The following CLIP2 variants were observed in gnomAD, a reference collection of about 807,000 sequenced individuals.
The protein encoded by CLIP2 is CAP-Gly domain-containing linker protein 2.
CLIP2 carries 41 observed loss-of-function variants against 111.7 expected under a neutral mutation model. That is an observed-to-expected ratio of 0.37 (90% CI 0.29 to 0.48). The LOEUF (loss-of-function observed/expected upper bound fraction) is 0.48. CLIP2 is among the 20% of genes least tolerant of loss of function. The probability of loss-of-function intolerance (pLI) is 0.99; values close to 1 mark genes in which losing one functional copy is unlikely to be tolerated. For synonymous variants in CLIP2, 660 were observed against 644.2 expected, an observed-to-expected ratio of 1.02 and a Z score of -0.37; for missense variants, 1,160 against 1,422.1, an observed-to-expected ratio of 0.82 and a Z score of 2.96.
Position 74,373,004 on chromosome 7 carries a change from G to C in CLIP2, c.1453G>C (p.Glu485Gln), listed in dbSNP as rs370792041. The stretch of plus-strand genomic sequence containing the variant: ...CCTGCTACTGGAGAAGGCGCAGGCC[G>C]AGCGGCTGCTCCGAGAATTAGCGGA... The part of the protein sequence containing the change: ...QSLLLEKAQA[E>Q]RLLRELADNR... Residue 485 changes from glutamate (E) to glutamine (Q), a missense_variant, in exon 9 of 17, where the codon GAG becomes CAG. Coordinates refer to ENST00000223398, the MANE Select transcript of CLIP2 (RefSeq NM_003388.5). 3.8e-6 allele frequency: 6 copies of C among 1,592,780 alleles called. No homozygotes were observed. Among genetic ancestry groups the C allele is most frequent in the Non-Finnish European group, 5.1e-6 (6 of 1,171,622 alleles).
At chr7:74,291,284 C>T (rs112044140) in intron 1 of CLIP2, among the ~76,000 whole-genome samples, 13 of 152,284 alleles carry the variant, frequency 8.5e-5, no homozygotes, top group Middle Eastern at 3.4e-3. Flanking sequence ...CTGCAAACTC[C>T]AGCCCTCAGC....
At chr7:74,371,721 A>C (rs1358472431) in intron 8 of CLIP2, among the ~76,000 whole-genome samples, 1 of 143,216 alleles carries the variant, frequency 7.0e-6, no homozygotes, top group Admixed American at 7.1e-5. Context: ...TGGGAAGGAG[A>C]GGGGAGAGAG....
rs1790766241 is a variant in CLIP2 at position 74,375,985 on chromosome 7, C to T, written c.1584C>T (p.His528=). Reference sequence around the variant, plus strand: ...AGGAGCTCCAGCAGTGCCTGTTGCACTCGGGTCCCCCACCTCCGGACCACC... The same window carrying T: ...AGGAGCTCCAGCAGTGCCTGTTGCATTCGGGTCCCCCACCTCCGGACCACC... ...EIEELQQCLL[H]SGPPPPDHPD... is the part of the protein sequence containing the mutation. Residue 528 remains histidine, a synonymous_variant, in exon 10 of 17, where the codon CAC becomes CAT. Coordinates refer to ENST00000223398, the MANE Select transcript of CLIP2 (RefSeq NM_003388.5). 3 of 1,611,254 alleles carry T rather than the reference C, an allele frequency of 1.9e-6. No individual in the cohort carries two copies. In the South Asian group the frequency reaches 3.3e-5, roughly 18 times the overall value.
chr7:74,322,152 G>A (rs1013881316), intron 2 of CLIP2, among the ~76,000 whole-genome samples: 10 of 150,892 alleles, frequency 6.6e-5, no homozygotes, highest in Admixed American at 3.3e-4. Context: ...CAACAACACC[G>A]GCCAATTTTT....
At chr7:74,329,970 G>A (rs1355846111) in intron 2 of CLIP2, among the ~76,000 whole-genome samples, 1 of 151,902 alleles carries the variant, frequency 6.6e-6, no homozygotes, top group Non-Finnish European at 1.5e-5. Context: ...GTAGAGACGG[G>A]GTTTCGCCAT....
chr7:74,349,051 T>G (rs1190344238), intron 3 of CLIP2, among the ~76,000 whole-genome samples: 2 of 151,958 alleles, frequency 1.3e-5, no homozygotes, highest in Non-Finnish European at 2.9e-5. Context: ...AGCCAAAAAG[T>G]GGAAGCAACC....
At chr7:74,366,217 T>C (rs1211681224) in intron 8 of CLIP2, among the ~76,000 whole-genome samples, 1 of 152,090 alleles carries the variant, frequency 6.6e-6, no homozygotes, top group Non-Finnish European at 1.5e-5. Flanking sequence ...TCTTCCCTCC[T>C]GTCCACACTG....
At chr7:74,394,242 C>CTT (rs782731877) in intron 13 of CLIP2, among the ~76,000 whole-genome samples, 11 of 119,730 alleles carry the variant, frequency 9.2e-5, no homozygotes, top group Non-Finnish European at 1.4e-4. Context: ...TCTTTTTCTT[C>CTT]TTATTTTTTT....
chr7:74,292,404 T>C (rs1554725510), intron 1 of CLIP2, among the ~76,000 whole-genome samples: 1 of 152,170 alleles, frequency 6.6e-6, no homozygotes, highest in African/African-American at 2.4e-5. Flanking sequence ...TGAGCTTTTT[T>C]GAGACAGCAT....
intron 3 of CLIP2, among the ~76,000 whole-genome samples, chr7:74,346,735 A>AAAAAAAAC (rs1562700919): frequency 4.4e-5 from 3 of 67,470 alleles, no homozygotes; most frequent in Admixed American, 1.7e-4. Flanking sequence ...AAAAAAAAAA[A>AAAAAAAAC]AAAAAAACAA....
chr7:74,303,633 C>T (rs1788397797), intron 1 of CLIP2, among the ~76,000 whole-genome samples: 2 of 142,694 alleles, frequency 1.4e-5, no homozygotes, highest in Non-Finnish European at 3.0e-5. Context: ...GGTCTTAGGT[C>T]AGGCGTGGTG....
chr7:74,393,401 A>T (rs1338506011), intron 13 of CLIP2, among the ~76,000 whole-genome samples: 1 of 148,308 alleles, frequency 6.7e-6, no homozygotes, highest in Admixed American at 6.8e-5. Flanking sequence ...CAGTGGCACA[A>T]TCTCTGCTCA....
intron 1 of CLIP2, among the ~76,000 whole-genome samples, chr7:74,310,160 C>T (rs1297920771): frequency 2.7e-5 from 4 of 146,898 alleles, no homozygotes; most frequent in Non-Finnish European, 4.5e-5. Context: ...CCCAGGAGGT[C>T]GAGGCTGCAG....
intron 1 of CLIP2, among the ~76,000 whole-genome samples, chr7:74,291,354 A>AG: frequency 6.6e-6 from 1 of 152,328 alleles, no homozygotes; most frequent in East Asian, 1.9e-4. Context: ...AAGTCCCAGC[A>AG]GGGGGAATTT....
chr7:74,381,311 C>T (rs1554313879), intron 11 of CLIP2, among the ~76,000 whole-genome samples: 4 of 152,110 alleles, frequency 2.6e-5, no homozygotes, highest in Non-Finnish European at 1.5e-5. Flanking sequence ...GCCTCAGCCT[C>T]CCGAGTAGCT....
intron 1 of CLIP2, among the ~76,000 whole-genome samples, chr7:74,301,052 TGTATACGC>T (rs1360493736): frequency 2.6e-5 from 4 of 152,230 alleles, no homozygotes; most frequent in Admixed American, 2.6e-4. Flanking sequence ...TTACCAACAG[TGTATACGC>T]GTTCCCTTTC....
chr7:74,321,476 A>T (rs1388666516), intron 2 of CLIP2, among the ~76,000 whole-genome samples: 3 of 151,634 alleles, frequency 2.0e-5, no homozygotes, highest in African/African-American at 4.8e-5. Flanking sequence ...TATTATTATT[A>T]TTATTTTTTT....
chr7:74,301,739 G>A (rs1471270394), intron 1 of CLIP2, among the ~76,000 whole-genome samples: 3 of 150,322 alleles, frequency 2.0e-5, no homozygotes, highest in Middle Eastern at 3.3e-3. Flanking sequence ...TTGAGACAGA[G>A]TCTTGCTCTG....
In CLIP2 at chr7:74,405,894, G is replaced by C. The variant is rs989233661; in HGVS notation, c.*2046G>C. On this transcript the variant is annotated 3_prime_UTR_variant, in exon 17 of 17. Transcript: ENST00000223398. ...CACAGTGGAATTGTTGAAGTGTGGC[G>C]AGTCTGTGCTCGGGACAATAAAGCT... 2 of 152,372 alleles carry C rather than the reference G, an allele frequency of 1.3e-5. No homozygotes were observed. Among genetic ancestry groups the C allele is most frequent in the African/African-American group, 4.8e-5 (2 of 41,450 alleles). 9.4% of individuals were successfully genotyped at this position (152,372 alleles called of 1,614,324 possible). A position where few individuals can be genotyped will look rare whatever the true frequency, so the allele number is the denominator to read the frequency against.
Sources: allele counts gnomAD v4.1 joint callset (sites outside exome capture counted in the v4.1 genomes callset), GRCh38; gene constraint gnomAD v4.1.1; transcripts MANE v1.5; gene names NCBI Gene and HGNC (gene_info 2026-07-23, HGNC 2026-07-21).